Variants in CDK14 observed in about 807,000 individuals in gnomAD.
CDK14 encodes cyclin dependent kinase 14.
CDK14 carries 34 observed loss-of-function variants against 60.7 expected under a neutral mutation model. That is an observed-to-expected ratio of 0.56 (90% CI 0.43 to 0.75). The LOEUF (loss-of-function observed/expected upper bound fraction) is 0.75. CDK14 is among the 30% of genes least tolerant of loss of function. CDK14 has a pLI of 0.00. For missense variants in CDK14, 482 were observed against 564.1 expected (o/e 0.85, Z 1.47); for synonymous variants, 197 against 203.7 (o/e 0.97, Z 0.28).
chr7:91,058,901 G>C (rs1324614889), intron 11 of CDK14, among the ~76,000 whole-genome samples: 1 of 152,162 alleles, frequency 6.6e-6, no homozygotes, highest in Non-Finnish European at 1.5e-5. Flanking sequence ...TTTGGTATCA[G>C]GATGATGCTG....
chr7:90,701,202 T>C (rs1459084759), intron 2 of CDK14, among the ~76,000 whole-genome samples: 2 of 152,206 alleles, frequency 1.3e-5, no homozygotes, highest in Non-Finnish European at 2.9e-5. Context: ...TAGCTACTTA[T>C]GTGTGGCAGT....
At chr7:90,824,796 AATAG>A (rs763390262) in intron 5 of CDK14, 1 of 152,238 alleles carries the variant, frequency 6.6e-6, no homozygotes, top group Non-Finnish European at 1.5e-5. Flanking sequence ...TAGTTCAAGT[AATAG>A]ATGTGGTGAT....
chr7:91,012,870 A>C lies in CDK14; in HGVS notation c.1041+28629A>C, dbSNP rs1454756166. On this transcript the variant is annotated intron_variant, in intron 10 of 14. Coordinates refer to ENST00000380050, the MANE Select transcript of CDK14 (RefSeq NM_001287135.2). Reference sequence around the variant, plus strand: ...TATACAAATAAAGGGGTAGTGTGTAAGTGAAAGAAAAATATGTAATTTTTT... The same window carrying C: ...TATACAAATAAAGGGGTAGTGTGTACGTGAAAGAAAAATATGTAATTTTTT... 2.0e-5 allele frequency among the ~76,000 whole-genome samples: 3 copies of C among 152,192 alleles called. No individual in the cohort carries two copies. The East Asian group carries it at 5.8e-4, about 29-fold the overall frequency.
intron 8 of CDK14, among the ~76,000 whole-genome samples, chr7:90,924,616 C>T (rs879465050): frequency 3.9e-5 from 6 of 152,116 alleles, no homozygotes; most frequent in Non-Finnish European, 7.4e-5. Context: ...GTCTAAAGCA[C>T]ATGTTTTCTA....
chr7:90,917,301 T>TA (rs1046155258), intron 7 of CDK14, among the ~76,000 whole-genome samples: 12 of 152,256 alleles, frequency 7.9e-5, no homozygotes, highest in African/African-American at 2.9e-4. Flanking sequence ...AAATCAATTA[T>TA]AAAAAAATTG....
chr7:91,021,641 A>C (rs531811370), intron 10 of CDK14, among the ~76,000 whole-genome samples: 73 of 152,332 alleles, frequency 4.8e-4, no homozygotes, highest in Non-Finnish European at 9.3e-4. Flanking sequence ...CATTACAAAG[A>C]AGCAAGATTC....
At chr7:90,920,443 A>C (rs1236138459) in intron 8 of CDK14, among the ~76,000 whole-genome samples, 1 of 152,220 alleles carries the variant, frequency 6.6e-6, no homozygotes, top group East Asian at 1.9e-4. Context: ...ACACACTTAG[A>C]AATTCTTGCT....
intron 2 of CDK14, among the ~76,000 whole-genome samples, chr7:90,693,905 A>G (rs1801604578): frequency 6.6e-6 from 1 of 152,228 alleles, no homozygotes; most frequent in South Asian, 2.1e-4. Context: ...AAATGGACTT[A>G]TAGTATAAAG....
chr7:90,999,770 G>A (rs895996016), intron 10 of CDK14, among the ~76,000 whole-genome samples: 12 of 152,150 alleles, frequency 7.9e-5, no homozygotes, highest in African/African-American at 1.9e-4. Flanking sequence ...ATGCGATACC[G>A]TATTATCATT....
At chr7:90,731,511 T>A (rs1332319113) in intron 3 of CDK14, among the ~76,000 whole-genome samples, 2 of 152,182 alleles carry the variant, frequency 1.3e-5, no homozygotes, top group Non-Finnish European at 2.9e-5. Context: ...GTCCTCTTAT[T>A]TCTTTCAGCA....
chr7:91,027,768 T>C, intron 10 of CDK14, among the ~76,000 whole-genome samples: 2 of 1,528 alleles, frequency 1.3e-3, no homozygotes, highest in Non-Finnish European at 2.3e-3. Context: ...GCCTCTCCTC[T>C]CCCCTCCCCT....
At chr7:91,179,201 G>T (rs552192024) in intron 14 of CDK14, among the ~76,000 whole-genome samples, 2 of 152,060 alleles carry the variant, frequency 1.3e-5, no homozygotes, top group African/African-American at 4.8e-5. Context: ...CATGTCCTTT[G>T]TAGGGACATG....
chr7:90,638,180 TA>T (rs1347555283), intron 2 of CDK14, among the ~76,000 whole-genome samples: 3 of 152,152 alleles, frequency 2.0e-5, no homozygotes, highest in African/African-American at 7.2e-5. Flanking sequence ...ATTATGATGT[TA>T]GCTGGTTATT....
chr7:90,688,753 A>G (rs1392520511), intron 2 of CDK14, among the ~76,000 whole-genome samples: 1 of 152,194 alleles, frequency 6.6e-6, no homozygotes, highest in Non-Finnish European at 1.5e-5. Context: ...AGCAGGCACT[A>G]TAATCTCCAC....
At chr7:90,710,010 C>T (rs1310106539) in intron 2 of CDK14, 16 of 945,394 alleles carry the variant, frequency 1.7e-5, no homozygotes, top group South Asian at 1.5e-4. Context: ...TGGAGCATCT[C>T]GGCAAGTCTG....
At chr7:90,975,856 C>T (rs898289915) in intron 9 of CDK14, among the ~76,000 whole-genome samples, 10 of 152,112 alleles carry the variant, frequency 6.6e-5, no homozygotes, top group African/African-American at 2.4e-4. Flanking sequence ...TATGTTGTCA[C>T]AAAAGACAAG....
chr7:90,601,922 T>TTATGTATGTATG (rs66873680), intron 1 of CDK14, among the ~76,000 whole-genome samples: 1,838 of 143,370 alleles, frequency 0.013, 16 homozygotes, highest in Non-Finnish European at 0.016. Context: ...TTGGCTAATT[T>TTATGTATGTATG]TATGTATGTA....
In CDK14 at chr7:91,210,242, T is replaced by A. The variant is rs997487726; in HGVS notation, c.*3106T>A. Reference sequence around the variant, plus strand: ...ATCAATAAAATAAGCAATCTTCTATTCTCATTCCTTTTCCCACAGCAGCAT... The same window carrying A: ...ATCAATAAAATAAGCAATCTTCTATACTCATTCCTTTTCCCACAGCAGCAT... On this transcript the variant is annotated 3_prime_UTR_variant, in exon 15 of 15. Transcript: ENST00000380050. 1 of 152,604 alleles carries A rather than the reference T, an allele frequency of 6.6e-6. No homozygotes were observed. The highest frequency in any genetic ancestry group is 1.5e-5 in the Non-Finnish European group (1 of 68,036). The allele number at this position is 152,604 out of a possible 1,614,324, so 9.5% of individuals were successfully genotyped here. A position where few individuals can be genotyped will look rare whatever the true frequency, so the allele number is the denominator to read the frequency against.
chr7:90,957,334 G>A (rs1384446066), intron 9 of CDK14, among the ~76,000 whole-genome samples: 1 of 152,118 alleles, frequency 6.6e-6, no homozygotes, highest in Non-Finnish European at 1.5e-5. Context: ...GTATCTCATT[G>A]TTGGAAGTTC....
Sources: allele counts gnomAD v4.1 joint callset (sites outside exome capture counted in the v4.1 genomes callset), GRCh38; gene constraint gnomAD v4.1.1; transcripts MANE v1.5; gene names NCBI Gene and HGNC (gene_info 2026-07-23, HGNC 2026-07-21).